The following MSRB3 variants were observed in gnomAD, a reference collection of about 807,000 sequenced individuals.
MSRB3 encodes the protein methionine-R-sulfoxide reductase B3.
A neutral mutation model predicts 21.0 loss-of-function variants in MSRB3; 13 were observed. The ratio of observed to expected loss-of-function variants is 0.62; its 90% CI spans 0.40 to 0.98. MSRB3 has a LOEUF of 0.98. MSRB3 is among the 50% of genes least tolerant of loss of function. The probability of loss-of-function intolerance (pLI) is 0.00; values close to 1 mark genes in which losing one functional copy is unlikely to be tolerated. For missense variants in MSRB3, 199 were observed against 230.3 expected, an observed-to-expected ratio of 0.86 and a Z score of 0.88; for synonymous variants, 87 against 88.6, an observed-to-expected ratio of 0.98 and a Z score of 0.10.
chr12:65,313,503 T>C (rs1429650443), intron 2 of MSRB3, among the ~76,000 whole-genome samples: 1 of 152,126 alleles, frequency 6.6e-6, no homozygotes, highest in Admixed American at 6.6e-5. Flanking sequence ...CATATATGCA[T>C]CTACACATGT....
Position 65,430,714 on chromosome 12 carries a change from A to G in MSRB3, c.293-23014A>G, listed in dbSNP as rs1332055758. On this transcript the variant is annotated intron_variant, in intron 5 of 6. Coordinates refer to ENST00000308259, the MANE Select transcript of MSRB3 (RefSeq NM_001031679.3). ...TCTTAAGCCTTTGCCTTCAATTCTT[A>G]TAGCTTCTTTCAAATTGTATTAAAT... 2.0e-5 allele frequency among the ~76,000 whole-genome samples: 3 copies of G among 152,064 alleles called. No homozygotes were observed. The Admixed American group carries it at 2.0e-4, about 10-fold the overall frequency.
chr12:65,391,078 A>G (rs1337652972), intron 5 of MSRB3, among the ~76,000 whole-genome samples: 1 of 152,158 alleles, frequency 6.6e-6, no homozygotes, highest in Non-Finnish European at 1.5e-5. Flanking sequence ...AGGACAGGGA[A>G]TGTGATTTGC....
chr12:65,301,048 C>T (rs1873298167), intron 1 of MSRB3, among the ~76,000 whole-genome samples: 1 of 152,044 alleles, frequency 6.6e-6, no homozygotes, highest in South Asian at 2.1e-4. Flanking sequence ...TATAGGAGTA[C>T]CTAGCTCAGG....
At chr12:65,419,977 A>T in intron 5 of MSRB3, 1 of 574,766 alleles carries the variant, frequency 1.7e-6, no homozygotes, top group Non-Finnish European at 3.4e-6. Flanking sequence ...GAGCCCAGGG[A>T]TGGGTAGGTA....
chr12:65,341,245 A>T (rs988394304), intron 4 of MSRB3, among the ~76,000 whole-genome samples: 14 of 152,140 alleles, frequency 9.2e-5, no homozygotes, highest in African/African-American at 3.4e-4. Context: ...AGATTCAGTT[A>T]TTTGCAACAA....
At chr12:65,386,673 G>C (rs1298298957) in intron 5 of MSRB3, among the ~76,000 whole-genome samples, 2 of 151,828 alleles carry the variant, frequency 1.3e-5, no homozygotes, top group African/African-American at 4.8e-5. Flanking sequence ...GCTTAAATTT[G>C]AGCTTGCTGG....
intron 5 of MSRB3, among the ~76,000 whole-genome samples, chr12:65,401,516 A>T (rs368214394): frequency 4.0e-4 from 61 of 152,234 alleles, no homozygotes; most frequent in African/African-American, 1.3e-3. Context: ...TGCACGTGAG[A>T]TGGGTATCCT....
At chr12:65,379,133 T>C (rs540281657) in intron 5 of MSRB3, among the ~76,000 whole-genome samples, 2 of 152,234 alleles carry the variant, frequency 1.3e-5, no homozygotes, top group African/African-American at 4.8e-5. Context: ...TCTTATGACT[T>C]AAATTTAATT....
chr12:65,463,343 A>G lies in MSRB3; in HGVS notation c.*21A>G. The G allele has an allele frequency of 6.2e-7, 1 of 1,614,010 alleles. No homozygotes were observed. Among genetic ancestry groups the G allele is most frequent in the Non-Finnish European group, 8.5e-7 (1 of 1,179,900 alleles). Reference sequence around the variant, plus strand: ...TCTAGAGTAATGGAGAGTGATGGAAACAAAGTGTACTTAATGCACAGCTTA... The same window carrying G: ...TCTAGAGTAATGGAGAGTGATGGAAGCAAAGTGTACTTAATGCACAGCTTA... On this transcript the variant is annotated 3_prime_UTR_variant, in exon 7 of 7. Coordinates refer to ENST00000308259, the MANE Select transcript of MSRB3 (RefSeq NM_001031679.3).
chr12:65,363,879 G>A (rs1342211395), intron 4 of MSRB3, among the ~76,000 whole-genome samples: 1 of 152,248 alleles, frequency 6.6e-6, no homozygotes, highest in Non-Finnish European at 1.5e-5. Flanking sequence ...CCAGCTACTT[G>A]GGAGGCTGAG....
At chr12:65,376,271 C>G (rs1417200321) in intron 5 of MSRB3, among the ~76,000 whole-genome samples, 1 of 152,092 alleles carries the variant, frequency 6.6e-6, no homozygotes, top group Non-Finnish European at 1.5e-5. Context: ...AGGCGCCCAC[C>G]ACTGCGCCCG....
chr12:65,342,959 A>G (rs993447114), intron 4 of MSRB3, among the ~76,000 whole-genome samples: 2 of 152,076 alleles, frequency 1.3e-5, no homozygotes, highest in African/African-American at 4.8e-5. Context: ...GGATGGTGCA[A>G]TTATAGGTGA....
chr12:65,459,122 A>G (rs1028805975), intron 6 of MSRB3, among the ~76,000 whole-genome samples: 39 of 152,192 alleles, frequency 2.6e-4, no homozygotes, highest in African/African-American at 8.9e-4. Context: ...ATATTTTTTT[A>G]AGGAAACCAT....
intron 4 of MSRB3, among the ~76,000 whole-genome samples, chr12:65,338,962 A>G (rs1875960667): frequency 6.6e-6 from 1 of 152,170 alleles, no homozygotes; most frequent in Non-Finnish European, 1.5e-5. Context: ...CAGTAGTCCC[A>G]GTTACTTGGG....
In MSRB3 at chr12:65,463,488, T is replaced by C; in HGVS notation, c.*166T>C. On this transcript the variant is annotated 3_prime_UTR_variant, in exon 7 of 7. Coordinates refer to ENST00000308259, the MANE Select transcript of MSRB3 (RefSeq NM_001031679.3). ...AACAGAAGCCCTGGCCATCCATGTATTTTGCAATTGACTAGATCAAGAACT... is the reference window on the plus strand; with the variant it reads ...AACAGAAGCCCTGGCCATCCATGTACTTTGCAATTGACTAGATCAAGAACT... 1.1e-5 allele frequency: 9 copies of C among 821,176 alleles called. No homozygotes were observed. Among genetic ancestry groups the C allele is most frequent in the Non-Finnish European group, 1.7e-5 (9 of 537,826 alleles). 50.9% of individuals were successfully genotyped at this position (821,176 alleles called of 1,614,324 possible).
intron 5 of MSRB3, among the ~76,000 whole-genome samples, chr12:65,377,897 TGA>T (rs1389805380): frequency 3.9e-5 from 6 of 152,230 alleles, no homozygotes; most frequent in Non-Finnish European, 8.8e-5. Flanking sequence ...TTTCCTCTTC[TGA>T]GGTTAACTCA....
chr12:65,452,990 C>G (rs1882924033), intron 5 of MSRB3, among the ~76,000 whole-genome samples: 1 of 152,134 alleles, frequency 6.6e-6, no homozygotes, highest in Non-Finnish European at 1.5e-5. Flanking sequence ...AACATTTGTA[C>G]AATCCTATGA....
intron 2 of MSRB3, among the ~76,000 whole-genome samples, chr12:65,317,782 A>T (rs1015632830): frequency 2.0e-5 from 3 of 152,238 alleles, no homozygotes; most frequent in Non-Finnish European, 4.4e-5. Context: ...CTGATTTATT[A>T]AGCAAATGTT....
chr12:65,358,338 CTTGAACT>C (rs1331803708), intron 4 of MSRB3, among the ~76,000 whole-genome samples: 3 of 151,696 alleles, frequency 2.0e-5, no homozygotes, highest in African/African-American at 7.3e-5. Context: ...CCAGGCTGGT[CTTGAACT>C]CCTGGGCTCA....
Sources: allele counts gnomAD v4.1 joint callset (sites outside exome capture counted in the v4.1 genomes callset), GRCh38; gene constraint gnomAD v4.1.1; transcripts MANE v1.5; gene names NCBI Gene and HGNC (gene_info 2026-07-23, HGNC 2026-07-21).